Variants in THSD4 observed in about 807,000 individuals in gnomAD.
THSD4 encodes thrombospondin type-1 domain-containing protein 4.
THSD4 carries 69 observed loss-of-function variants against 119.0 expected under a neutral mutation model. The observed-to-expected ratio is 0.58, with a 90% CI of 0.48 to 0.71. The LOEUF (loss-of-function observed/expected upper bound fraction) is 0.71. Ranked by LOEUF, THSD4 falls within the 30% of genes least tolerant of loss-of-function variation. The pLI is 0.00. For synonymous variants in THSD4, 524 were observed against 540.4 expected (o/e 0.97, Z 0.42); for missense variants, 1,393 against 1,391.1 (o/e 1.00, Z -0.02).
chr15:71,123,876 G>T (rs868465207), intron 1 of THSD4, among the ~76,000 whole-genome samples: 1 of 152,198 alleles, frequency 6.6e-6, no homozygotes, highest in African/African-American at 2.4e-5. Flanking sequence ...AATGTGGAGC[G>T]TGCATTTACT....
At chr15:71,294,034 TC>T (rs2044828646) in intron 6 of THSD4, among the ~76,000 whole-genome samples, 1 of 152,154 alleles carries the variant, frequency 6.6e-6, no homozygotes, top group African/African-American at 2.4e-5. Context: ...CCTTTGCTTT[TC>T]TTTGTATTTT....
intron 3 of THSD4, among the ~76,000 whole-genome samples, chr15:71,192,741 G>A (rs1210416922): frequency 3.3e-5 from 5 of 152,062 alleles, no homozygotes; most frequent in African/African-American, 1.2e-4. Flanking sequence ...GACCTTCCTA[G>A]AGTTGACTTA....
intron 1 of THSD4, among the ~76,000 whole-genome samples, chr15:71,098,189 CT>C (rs55726832): frequency 0.035 from 2,879 of 83,420 alleles, 24 homozygotes; most frequent in African/African-American, 0.075. Flanking sequence ...AATTCTTTCA[CT>C]TTTTTTTTTT....
chr15:71,316,871 T>C (rs1291067352), intron 6 of THSD4, among the ~76,000 whole-genome samples: 1 of 152,236 alleles, frequency 6.6e-6, no homozygotes, highest in African/African-American at 2.4e-5. Flanking sequence ...TATTATACTT[T>C]GTAGTTATCA....
intron 6 of THSD4, among the ~76,000 whole-genome samples, chr15:71,361,614 C>T (rs1194772683): frequency 1.3e-5 from 2 of 152,164 alleles, no homozygotes; most frequent in South Asian, 2.1e-4. Context: ...ATTATAAATG[C>T]ACTTTTTTTT....
intron 7 of THSD4, among the ~76,000 whole-genome samples, chr15:71,444,331 G>GCA (rs1227083632): frequency 6.6e-6 from 1 of 152,212 alleles, no homozygotes; most frequent in Non-Finnish European, 1.5e-5. Context: ...GAAGAACTCA[G>GCA]TGGAGAATTC....
intron 7 of THSD4, among the ~76,000 whole-genome samples, chr15:71,426,470 A>G: frequency 6.6e-6 from 1 of 152,012 alleles, no homozygotes; most frequent in Non-Finnish European, 1.5e-5. Flanking sequence ...TGAACCACAC[A>G]AGTAGACCCT....
At chr15:71,181,643 C>T (rs1009162296) in intron 3 of THSD4, among the ~76,000 whole-genome samples, 2 of 152,220 alleles carry the variant, frequency 1.3e-5, no homozygotes, top group South Asian at 4.1e-4. Context: ...GACAGAGTCC[C>T]TCTTTGCCAT....
At chr15:71,333,944 T>C (rs1421754807) in intron 6 of THSD4, among the ~76,000 whole-genome samples, 5 of 152,224 alleles carry the variant, frequency 3.3e-5, no homozygotes, top group African/African-American at 1.2e-4. Context: ...CATTTTTGCC[T>C]GTTTCTTTTA....
intron 7 of THSD4, among the ~76,000 whole-genome samples, chr15:71,497,000 G>A (rs2048027580): frequency 6.6e-6 from 1 of 152,102 alleles, no homozygotes; most frequent in South Asian, 2.1e-4. Flanking sequence ...ATGAACACTG[G>A]GCATGCTGCA....
intron 1 of THSD4, among the ~76,000 whole-genome samples, chr15:71,124,131 G>A (rs2040433211): frequency 6.6e-6 from 1 of 152,054 alleles, no homozygotes; most frequent in Non-Finnish European, 1.5e-5. Flanking sequence ...CAAGATTGGG[G>A]GTCCGCATAT....
intron 10 of THSD4, chr15:71,733,120 A>T (rs1429725457): frequency 1.3e-5 from 2 of 152,256 alleles, no homozygotes; most frequent in South Asian, 2.1e-4. Flanking sequence ...TATCAGGATG[A>T]TGATGATTTC....
chr15:71,715,343 G>C (rs958667357), intron 8 of THSD4, among the ~76,000 whole-genome samples: 1 of 152,148 alleles, frequency 6.6e-6, no homozygotes, highest in Non-Finnish European at 1.5e-5. Context: ...TGCCTTGTTG[G>C]TTACAACTCT....
rs1441840041 is a variant in THSD4, at chr15:71,737,830, GC to G, written c.1733del (p.Pro578LeufsTer85). On this transcript the variant is annotated frameshift_variant, in exon 11 of 18. Coordinates refer to ENST00000261862, the MANE Select transcript of THSD4 (RefSeq NM_024817.3). LOFTEE classifies it high-confidence loss of function. ...GGAGAAGGAAGACTTGCGTGGGGAG[GC>G]CCCTGAGATGTTCACCTCAGAATCG... ...NEEKEDLRGE[A>X]PEMFTSESAQ... The G allele has an allele frequency of 6.2e-7, 1 of 1,614,098 alleles. No homozygotes were observed. The highest frequency in any genetic ancestry group is 8.5e-7 in the Non-Finnish European group (1 of 1,180,030).
intron 7 of THSD4, among the ~76,000 whole-genome samples, chr15:71,606,835 C>G (rs2050119912): frequency 6.6e-6 from 1 of 152,192 alleles, no homozygotes; most frequent in African/African-American, 2.4e-5. Context: ...CCACCATGCC[C>G]AGCCTCAAAT....
At chr15:71,645,864 G>T (rs1337016494) in intron 7 of THSD4, among the ~76,000 whole-genome samples, 4 of 152,162 alleles carry the variant, frequency 2.6e-5, no homozygotes, top group African/African-American at 9.7e-5. Context: ...CAATTAAGAC[G>T]ACTCCTTTCC....
rs558134869 is a variant in THSD4, at chr15:71,347,032, C to T, written c.1016-64655C>T. On this transcript the variant is annotated intron_variant, in intron 6 of 17. Coordinates refer to ENST00000261862, the MANE Select transcript of THSD4 (RefSeq NM_024817.3). Reference sequence around the variant, plus strand: ...GAGATTACAGGCGCGTGCCACCACACCTGGCTAATTTTTGTATTTTTAGTA... The same window carrying T: ...GAGATTACAGGCGCGTGCCACCACATCTGGCTAATTTTTGTATTTTTAGTA... Among the ~76,000 whole-genome samples, 131 of 152,034 alleles carry T rather than the reference C, an allele frequency of 8.6e-4. 3 individuals carry two copies. The South Asian group carries it at 0.026, about 30-fold the overall frequency.
intron 2 of THSD4, among the ~76,000 whole-genome samples, chr15:71,145,562 G>A (rs180784252): frequency 1.3e-5 from 2 of 152,126 alleles, no homozygotes; most frequent in Admixed American, 6.6e-5. Flanking sequence ...CAACCAAAAG[G>A]GTTGAGGAAA....
In THSD4 at chr15:71,215,340, G is replaced by A; in HGVS notation, c.405G>A (p.Thr135=). Residue 135 remains threonine (T), a synonymous_variant, in exon 4 of 18, where the codon ACG becomes ACA. Coordinates refer to ENST00000261862, the MANE Select transcript of THSD4 (RefSeq NM_024817.3). The part of the protein sequence containing the change: ...AGTDASRQGP[T]VLRGSRHPQP... Reference sequence around the variant, plus strand: ...CGGACGCCAGCCGCCAGGGCCCCACGGTGCTGCGAGGCAGCCGGCACCCAC... The same window carrying A: ...CGGACGCCAGCCGCCAGGGCCCCACAGTGCTGCGAGGCAGCCGGCACCCAC... 1 of 1,531,220 alleles carries A rather than the reference G, an allele frequency of 6.5e-7. No homozygotes were observed. The highest frequency in any genetic ancestry group is 8.7e-7 in the Non-Finnish European group (1 of 1,145,064). 94.9% of individuals were successfully genotyped at this position (1,531,220 alleles called of 1,614,324 possible).
Sources: allele counts gnomAD v4.1 joint callset (sites outside exome capture counted in the v4.1 genomes callset), GRCh38; gene constraint gnomAD v4.1.1; transcripts MANE v1.5; gene names NCBI Gene and HGNC (gene_info 2026-07-23, HGNC 2026-07-21).